Variants in KAZN observed in about 807,000 individuals in gnomAD.
KAZN encodes kazrin, periplakin interacting protein, also known as kazrin.
A neutral mutation model predicts 87.4 loss-of-function variants in KAZN; 40 were observed. The observed-to-expected ratio is 0.46, with a 90% CI of 0.36 to 0.60. The LOEUF (loss-of-function observed/expected upper bound fraction) is 0.60, where lower values mean the gene tolerates loss of function less well. KAZN is among the 20% of genes least tolerant of loss of function. The pLI is 0.00. For synonymous variants in KAZN, 466 were observed against 458.3 expected, an observed-to-expected ratio of 1.02 and a Z score of -0.22; for missense variants, 898 against 1,073.9, an observed-to-expected ratio of 0.84 and a Z score of 2.29.
At chr1:14,264,496 T>G (rs541760769) in intron 2 of KAZN, among the ~76,000 whole-genome samples, 1 of 152,098 alleles carries the variant, frequency 6.6e-6, no homozygotes, top group Admixed American at 6.5e-5. Flanking sequence ...ATTCCAGAAG[T>G]GGGTTAGTTA....
At chr1:14,759,288 G>GC (rs1397662733) in intron 1 of KAZN, among the ~76,000 whole-genome samples, 2 of 152,152 alleles carry the variant, frequency 1.3e-5, no homozygotes, top group Non-Finnish European at 2.9e-5. Context: ...TCGCACCGTG[G>GC]CTTTGGTAGT....
At chr1:14,478,927 T>A (rs1415282604) in intron 2 of KAZN, among the ~76,000 whole-genome samples, 1 of 152,150 alleles carries the variant, frequency 6.6e-6, no homozygotes, top group Non-Finnish European at 1.5e-5. Context: ...GGAAAATAAT[T>A]CAGGGAAGAA....
intron 1 of KAZN, among the ~76,000 whole-genome samples, chr1:14,951,802 C>G (rs1444753793): frequency 6.6e-6 from 1 of 152,142 alleles, no homozygotes; most frequent in African/African-American, 2.4e-5. Flanking sequence ...AGCTTTAACC[C>G]TCCAAGGGCA....
intron 2 of KAZN, among the ~76,000 whole-genome samples, chr1:14,516,084 T>C (rs1671283696): frequency 1.3e-5 from 2 of 152,182 alleles, no homozygotes; most frequent in African/African-American, 4.8e-5. Flanking sequence ...AGAAACTGTG[T>C]TCTGGTCTGA....
chr1:14,836,327 C>T (rs1363748982), intron 1 of KAZN, among the ~76,000 whole-genome samples: 2 of 152,168 alleles, frequency 1.3e-5, no homozygotes, highest in African/African-American at 2.4e-5. Flanking sequence ...AACTCAAAGC[C>T]GCACCTCTGT....
chr1:14,618,893 G>A (rs1292490681), intron 1 of KAZN, among the ~76,000 whole-genome samples: 7 of 152,192 alleles, frequency 4.6e-5, no homozygotes, highest in East Asian at 1.9e-4. Context: ...AGGAGCCTTC[G>A]CTTGAGTGGA....
At chr1:14,829,383 C>T (rs1224457636) in intron 1 of KAZN, among the ~76,000 whole-genome samples, 2 of 152,134 alleles carry the variant, frequency 1.3e-5, no homozygotes, top group Admixed American at 6.5e-5. Flanking sequence ...GGAACTTTCT[C>T]GGGAAAGTGA....
At chr1:14,457,285 C>T (rs1477476753) in intron 2 of KAZN, among the ~76,000 whole-genome samples, 1 of 152,160 alleles carries the variant, frequency 6.6e-6, no homozygotes, top group Non-Finnish European at 1.5e-5. Context: ...TTAAGCATCT[C>T]TTCATATGCA....
intron 1 of KAZN, among the ~76,000 whole-genome samples, chr1:13,965,985 G>C (rs545848433): frequency 1.3e-5 from 2 of 152,136 alleles, no homozygotes; most frequent in Non-Finnish European, 2.9e-5. Context: ...GAGCCCAGGA[G>C]GGGGAGGCAG....
chr1:14,918,860 T>C (rs1156987893), intron 1 of KAZN, among the ~76,000 whole-genome samples: 1 of 151,406 alleles, frequency 6.6e-6, no homozygotes, highest in Non-Finnish European at 1.5e-5. Context: ...ACACCTTGAT[T>C]GCAGCCTTTA....
At chr1:14,143,892 G>T (rs1284146677) in intron 1 of KAZN, among the ~76,000 whole-genome samples, 1 of 151,972 alleles carries the variant, frequency 6.6e-6, no homozygotes, top group Non-Finnish European at 1.5e-5. Context: ...TATTGTTTAA[G>T]TTTTGTGCAG....
At chr1:14,881,310 G>A (rs1653313854) in intron 1 of KAZN, among the ~76,000 whole-genome samples, 1 of 152,186 alleles carries the variant, frequency 6.6e-6, no homozygotes, top group African/African-American at 2.4e-5. Flanking sequence ...CCCAACCCTT[G>A]TCAAAACTGG....
chr1:14,328,142 C>T (rs140971660), intron 2 of KAZN, among the ~76,000 whole-genome samples: 1 of 152,282 alleles, frequency 6.6e-6, no homozygotes, highest in African/African-American at 2.4e-5. Context: ...TTTAAGCCTC[C>T]AGCAAAGGCC....
chr1:14,913,905 C>T (rs1205180343), intron 1 of KAZN, among the ~76,000 whole-genome samples: 1 of 152,212 alleles, frequency 6.6e-6, no homozygotes, highest in Non-Finnish European at 1.5e-5. Context: ...AAGGGAGGGC[C>T]TCTGCATTTG....
At chr1:14,851,363 G>A (rs955254649) in intron 1 of KAZN, among the ~76,000 whole-genome samples, 3 of 152,142 alleles carry the variant, frequency 2.0e-5, no homozygotes, top group African/African-American at 4.8e-5. Flanking sequence ...GCGGTGGTGG[G>A]GACACCCACT....
chr1:14,326,319 C>A (rs190676107), intron 2 of KAZN, among the ~76,000 whole-genome samples: 58 of 152,276 alleles, frequency 3.8e-4, no homozygotes, highest in African/African-American at 1.3e-3. Context: ...CTTTCCCATA[C>A]CACATGTAAC....
chr1:15,047,688 T>C (rs1673721257), intron 4 of KAZN, among the ~76,000 whole-genome samples: 1 of 151,986 alleles, frequency 6.6e-6, no homozygotes, highest in South Asian at 2.1e-4. Flanking sequence ...GGACAATCGC[T>C]TGAACCCAGA....
chr1:14,047,816 T>C (rs1318304350), intron 1 of KAZN, among the ~76,000 whole-genome samples: 1 of 148,362 alleles, frequency 6.7e-6, no homozygotes, highest in Admixed American at 6.8e-5. Context: ...TGCAGTGAGC[T>C]GAGATCACAC....
chr1:14,055,767 T>C (rs1482109402), intron 1 of KAZN, among the ~76,000 whole-genome samples: 1 of 152,170 alleles, frequency 6.6e-6, no homozygotes, highest in Non-Finnish European at 1.5e-5. Flanking sequence ...GAATCTCTAC[T>C]CTTCTAGTCC....
Sources: allele counts gnomAD v4.1 joint callset (sites outside exome capture counted in the v4.1 genomes callset), GRCh38; gene constraint gnomAD v4.1.1; transcripts MANE v1.5; gene names NCBI Gene and HGNC (gene_info 2026-07-23, HGNC 2026-07-21).